MPPED2: variants seen among roughly 807,000 people sequenced by gnomAD.
MPPED2 encodes the protein metallophosphoesterase domain containing 2.
MPPED2 carries 5 observed loss-of-function variants against 33.0 expected under a neutral mutation model. That is an observed-to-expected ratio of 0.15 (90% CI 0.08 to 0.32). The LOEUF is 0.32. MPPED2 is among the 10% of genes least tolerant of loss of function. The pLI is 1.00. For synonymous variants in MPPED2, 136 were observed against 141.9 expected (o/e 0.96, Z 0.29); for missense variants, 275 against 372.1 (o/e 0.74, Z 2.15).
intron 4 of MPPED2, among the ~76,000 whole-genome samples, chr11:30,449,974 A>G (rs755402464): frequency 2.6e-4 from 39 of 152,322 alleles, no homozygotes; most frequent in Non-Finnish European, 4.4e-4. Flanking sequence ...GTTCAATGGT[A>G]TAAGCCCCCC....
At chr11:30,389,256 G>A (rs990629554) in intron 6 of MPPED2, among the ~76,000 whole-genome samples, 1 of 152,180 alleles carries the variant, frequency 6.6e-6, no homozygotes, top group Non-Finnish European at 1.5e-5. Flanking sequence ...GAATTCGGGA[G>A]CCTTGACTGA....
intron 6 of MPPED2, among the ~76,000 whole-genome samples, chr11:30,393,757 C>G (rs549723131): frequency 6.7e-4 from 102 of 152,268 alleles, no homozygotes; most frequent in African/African-American, 2.4e-3. Context: ...TGGCTTCTTG[C>G]TGGGATCATT....
chr11:30,478,778 T>C (rs149573515), intron 4 of MPPED2, among the ~76,000 whole-genome samples: 164 of 152,296 alleles, frequency 1.1e-3, no homozygotes, highest in African/African-American at 3.5e-3. Flanking sequence ...AATTTAGGCA[T>C]GTCTTAGACA....
rs11031112 is a variant in MPPED2, at chr11:30,491,520, G to A, written c.536+3776C>T. ...TAACACATCACTATTAGTAGTAATA[G>A]CTAACATTTATCAAATGCTTACTCC... is the stretch of plus-strand genomic sequence containing the variant. On this transcript the variant is annotated intron_variant, in intron 4 of 6. Coordinates refer to ENST00000358117, the MANE Select transcript of MPPED2 (RefSeq NM_001584.3). Among the ~76,000 whole-genome samples, 1,845 of 152,282 alleles carry A rather than the reference G, an allele frequency of 0.012. 131 individuals are homozygous for A. The East Asian group carries it at 0.21, about 17-fold the overall frequency.
At chr11:30,542,627 T>TA (rs1036245822) in intron 2 of MPPED2, among the ~76,000 whole-genome samples, 10 of 151,936 alleles carry the variant, frequency 6.6e-5, no homozygotes, top group Non-Finnish European at 8.8e-5. Flanking sequence ...AAGACCATCT[T>TA]AAAAAAATAA....
At chr11:30,440,003 T>C (rs1025163366) in intron 4 of MPPED2, among the ~76,000 whole-genome samples, 1 of 152,146 alleles carries the variant, frequency 6.6e-6, no homozygotes, top group Non-Finnish European at 1.5e-5. Context: ...CTATGGCCCG[T>C]GGGCCAAATC....
At chr11:30,433,624 G>A (rs977135197) in intron 4 of MPPED2, among the ~76,000 whole-genome samples, 18 of 152,142 alleles carry the variant, frequency 1.2e-4, no homozygotes, top group Admixed American at 5.2e-4. Flanking sequence ...GGTCCACCCC[G>A]TCACTGCTTT....
At chr11:30,503,506 C>T (rs186404920) in intron 3 of MPPED2, among the ~76,000 whole-genome samples, 6 of 152,164 alleles carry the variant, frequency 3.9e-5, no homozygotes, top group African/African-American at 1.4e-4. Flanking sequence ...TTTCTCCACA[C>T]CCTTTTTTTT....
At chr11:30,535,308 C>T (rs565278174) in intron 3 of MPPED2, among the ~76,000 whole-genome samples, 18 of 152,234 alleles carry the variant, frequency 1.2e-4, no homozygotes, top group African/African-American at 4.1e-4. Context: ...ATTCTAAAAT[C>T]TCAGAACATT....
At chr11:30,575,575 C>T (rs1956894866) in intron 2 of MPPED2, among the ~76,000 whole-genome samples, 2 of 152,186 alleles carry the variant, frequency 1.3e-5, no homozygotes, top group Admixed American at 1.3e-4. Flanking sequence ...ATTCCCCAGC[C>T]CAAGCTGTGC....
intron 1 of MPPED2, among the ~76,000 whole-genome samples, chr11:30,581,147 C>T (rs186405263): frequency 6.6e-6 from 1 of 152,138 alleles, no homozygotes; most frequent in Non-Finnish European, 1.5e-5. Context: ...TTTTTTTCAA[C>T]ACTCCAGTCA....
At chr11:30,559,732 G>T (rs1468618185) in intron 2 of MPPED2, among the ~76,000 whole-genome samples, 1 of 151,642 alleles carries the variant, frequency 6.6e-6, no homozygotes, top group Non-Finnish European at 1.5e-5. Flanking sequence ...TCCATGTGAG[G>T]CATACTAAAT....
rs539260086 is a variant in MPPED2, at chr11:30,435,638, C to A, written c.537-18005G>T. ...AGAGCAGTGACAGACACTGGACCAACAAAGCCTGACCACCCATCATTCACA... is the reference window on the plus strand; with the variant it reads ...AGAGCAGTGACAGACACTGGACCAAAAAAGCCTGACCACCCATCATTCACA... On this transcript the variant is annotated intron_variant, in intron 4 of 6. Transcript: ENST00000358117. Among the ~76,000 whole-genome samples, 6 of 152,308 alleles carry A rather than the reference C, an allele frequency of 3.9e-5. No homozygotes were observed. In the South Asian group the frequency reaches 6.2e-4, roughly 16 times the overall value.
intron 4 of MPPED2, among the ~76,000 whole-genome samples, chr11:30,484,316 G>C (rs2134140761): frequency 6.6e-6 from 1 of 152,128 alleles, no homozygotes; most frequent in Non-Finnish European, 1.5e-5. Context: ...CTCATTGCCT[G>C]TTTATTTCTT....
In MPPED2 at chr11:30,515,665, C is replaced by T. The variant is rs899157226; in HGVS notation, c.311-20144G>A. Among the ~76,000 whole-genome samples the T allele has an allele frequency of 3.9e-5, 6 of 152,172 alleles. 1 individual carries two copies. Among genetic ancestry groups the T allele is most frequent in the Non-Finnish European group, 5.9e-5 (4 of 68,026 alleles). On this transcript the variant is annotated intron_variant, in intron 3 of 6. Coordinates refer to ENST00000358117, the MANE Select transcript of MPPED2 (RefSeq NM_001584.3). ...TTAATTCTTACTATAGATTTAGCAT[C>T]ACAAACCAAAGTTAATTTGCTTCCT...
chr11:30,531,206 G>A (rs550796413), intron 3 of MPPED2, among the ~76,000 whole-genome samples: 2 of 152,316 alleles, frequency 1.3e-5, no homozygotes, highest in South Asian at 2.1e-4. Context: ...GGATTCATCT[G>A]TACCTCTCTC....
chr11:30,516,696 T>C (rs184909596), intron 3 of MPPED2, among the ~76,000 whole-genome samples: 1 of 152,308 alleles, frequency 6.6e-6, no homozygotes, highest in East Asian at 1.9e-4. Context: ...GTAATGCCCA[T>C]GATACTGTAG....
At chr11:30,438,625 T>C (rs1288606838) in intron 4 of MPPED2, among the ~76,000 whole-genome samples, 1 of 152,238 alleles carries the variant, frequency 6.6e-6, no homozygotes, top group East Asian at 1.9e-4. Flanking sequence ...CATAACTGCA[T>C]AACCTTAGAC....
downstream of MPPED2, among the ~76,000 whole-genome samples, chr11:30,405,349 C>T (rs1461990305): frequency 2.0e-5 from 3 of 152,162 alleles, no homozygotes; most frequent in Non-Finnish European, 2.9e-5. Flanking sequence ...AGATGCACCT[C>T]ATGGTAACTA....
Sources: allele counts gnomAD v4.1 joint callset (sites outside exome capture counted in the v4.1 genomes callset), GRCh38; gene constraint gnomAD v4.1.1; transcripts MANE v1.5; gene names NCBI Gene and HGNC (gene_info 2026-07-23, HGNC 2026-07-21).